The following TM2D1 variants were observed in gnomAD, a reference collection of about 807,000 sequenced individuals.
The protein encoded by TM2D1 is TM2 domain containing 1.
A neutral mutation model predicts 28.4 loss-of-function variants in TM2D1; 15 were observed. That is an observed-to-expected ratio of 0.53 (90% confidence interval 0.35 to 0.81). The LOEUF (loss-of-function observed/expected upper bound fraction) is 0.81. TM2D1 is among the 40% of genes least tolerant of loss of function. The probability of loss-of-function intolerance (pLI) is 0.01; values close to 1 mark genes in which losing one functional copy is unlikely to be tolerated. For synonymous variants in TM2D1, 93 were observed against 96.2 expected (o/e 0.97, Z 0.20); for missense variants, 236 against 254.9 (o/e 0.93, Z 0.50).
At chr1:61,689,364 T>TTAG (rs58790679) in intron 5 of TM2D1, among the ~76,000 whole-genome samples, 11,823 of 152,088 alleles carry the variant, frequency 0.078, 741 homozygotes, top group East Asian at 0.29. Context: ...ATATTTTATT[T>TTAG]TATTATTATT....
chr1:61,709,283 A>C (rs1191045510), intron 3 of TM2D1, 46 bp downstream of exon 3: 2 of 1,191,182 alleles, frequency 1.7e-6, no homozygotes, highest in Admixed American at 3.6e-5. Flanking sequence ...TGAAGATATA[A>C]TATAGGCAAG....
intron 3 of TM2D1, among the ~76,000 whole-genome samples, chr1:61,706,526 A>C (rs896419634): frequency 6.7e-6 from 1 of 148,986 alleles, no homozygotes; most frequent in African/African-American, 2.5e-5. Context: ...TTGTTAACTT[A>C]GACCAGGCGC....
At chr1:61,706,368 T>C (rs1644440580) in intron 3 of TM2D1, among the ~76,000 whole-genome samples, 1 of 152,060 alleles carries the variant, frequency 6.6e-6, no homozygotes, top group Admixed American at 6.6e-5. Flanking sequence ...CAGCTAACTT[T>C]TGTATTTTTT....
intron 5 of TM2D1, among the ~76,000 whole-genome samples, chr1:61,691,466 G>A (rs1448069360): frequency 1.3e-4 from 17 of 129,414 alleles, no homozygotes; most frequent in African/African-American, 5.1e-4. Context: ...TTGCACTCCA[G>A]CCTGGACGAC....
chr1:61,692,849 C>G (rs556792170), intron 5 of TM2D1, among the ~76,000 whole-genome samples: 2 of 151,336 alleles, frequency 1.3e-5, no homozygotes, highest in Non-Finnish European at 2.9e-5. Context: ...GTGAAAATGT[C>G]TTATTTAGGG....
chr1:61,701,023 T>C lies in TM2D1; in HGVS notation c.350A>G (p.Asn117Ser). ...GACTGCCACTTTGTAGGAATAGCCA[T>C]TTCTGCAAAAAATTAAAATCTGAGT... ...FFKPISCRNV[N>S]GYSYKVAVAL... Residue 117 changes from asparagine (N) to serine (S), a missense_variant and splice_region_variant, in exon 4 of 7, where the codon AAT becomes AGT. Physicochemically the swap from Asn to Ser is conservative, Grantham distance 46. Around this residue, in one of 3 missense-constraint regions of TM2D1, gnomAD observed 167 missense variants for 162.7 expected, o/e 1.03. Coordinates refer to ENST00000606498, the MANE Select transcript of TM2D1 (RefSeq NM_032027.3). 6.2e-7 allele frequency: 1 copy of C among 1,607,718 alleles called. No individual in the cohort carries two copies. Among genetic ancestry groups the C allele is most frequent in the Non-Finnish European group, 8.5e-7 (1 of 1,177,682 alleles).
chr1:61,696,970 A>G (rs1371778863), intron 4 of TM2D1, among the ~76,000 whole-genome samples: 1 of 151,846 alleles, frequency 6.6e-6, no homozygotes, highest in African/African-American at 2.4e-5. Context: ...GTTTTTGATT[A>G]TAATAACTGT....
chr1:61,723,570 A>G, intron 2 of TM2D1, 143 bp downstream of exon 2: 1 of 443,704 alleles, frequency 2.3e-6, no homozygotes, highest in Middle Eastern at 6.3e-4. Context: ...GTAGTTCTCC[A>G]GTTTTAAGTT....
At chr1:61,701,556 C>CGTGTGTGTGTGTGTGT (rs60257971) in intron 3 of TM2D1, among the ~76,000 whole-genome samples, 144 of 145,950 alleles carry the variant, frequency 9.9e-4, no homozygotes, top group African/African-American at 3.3e-3. Context: ...AATTCTCTTT[C>CGTGTGTGTGTGTGTGT]GTGTGTGTGT....
At chr1:61,700,892 T>C (rs754875518) in intron 4 of TM2D1, 42 bp downstream of exon 4, 23 of 1,443,418 alleles carry the variant, frequency 1.6e-5, no homozygotes, top group Non-Finnish European at 2.1e-5. Context: ...TGAACTAAAA[T>C]ATAGGTTTCA....
At chr1:61,718,084 G>A (rs778088326) in intron 2 of TM2D1, among the ~76,000 whole-genome samples, 20 of 152,116 alleles carry the variant, frequency 1.3e-4, no homozygotes, top group Non-Finnish European at 2.5e-4. Context: ...TTCGGAGGCC[G>A]AGGCAAGTGG....
chr1:61,718,200 G>C (rs1644536690), intron 2 of TM2D1, among the ~76,000 whole-genome samples: 4 of 151,936 alleles, frequency 2.6e-5, no homozygotes, highest in Non-Finnish European at 4.4e-5. Context: ...TAAGGTGGGA[G>C]GATCACTTGA....
chr1:61,696,735 G>A (rs1413499635), intron 4 of TM2D1, among the ~76,000 whole-genome samples: 2 of 151,988 alleles, frequency 1.3e-5, no homozygotes, highest in African/African-American at 4.8e-5. Flanking sequence ...TAACCTGCCT[G>A]TCTGAAGCAG....
At chr1:61,687,016 C>G in intron 5 of TM2D1, 1 of 979,112 alleles carries the variant, frequency 1.0e-6, no homozygotes, top group African/African-American at 1.7e-5. Flanking sequence ...GAGTATGGAA[C>G]CCAAAATTAT....
At chr1:61,714,291 CCAGCA>C (rs1223482293) in intron 2 of TM2D1, among the ~76,000 whole-genome samples, 4 of 151,308 alleles carry the variant, frequency 2.6e-5, no homozygotes, top group African/African-American at 9.7e-5. Flanking sequence ...ACCTGTAATC[CCAGCA>C]CTTTGGGAGG....
At chr1:61,698,417 GGCATGGTGGC>G (rs927296628) in intron 4 of TM2D1, 2 of 152,256 alleles carry the variant, frequency 1.3e-5, no homozygotes, top group African/African-American at 4.8e-5. Context: ...AAATTAGCTG[GGCATGGTGGC>G]GCATGCCTGT....
rs191261659 is a variant in TM2D1 at position 61,684,649 on chromosome 1, T to C, written c.514-1103A>G. Among the ~76,000 whole-genome samples, 488 of 143,260 alleles carry C rather than the reference T, an allele frequency of 3.4e-3. 5 individuals are homozygous for C. Among genetic ancestry groups the C allele is most frequent in the African/African-American group, 0.012 (474 of 38,214 alleles). 94.0% of individuals were successfully genotyped at this position (143,260 alleles called of 152,430 possible). ...GTTTAAAAATAATTTGCAACATGTT[T>C]ATGCTGTTTTGATCAACTGTGTATC... On this transcript the variant is annotated intron_variant, in intron 5 of 6. Transcript: ENST00000606498.
chr1:61,703,944 C>T (rs1479167293), intron 3 of TM2D1, among the ~76,000 whole-genome samples: 4 of 151,360 alleles, frequency 2.6e-5, no homozygotes, highest in African/African-American at 9.7e-5. Flanking sequence ...TTTAGTAAGA[C>T]GGGGTTTCAC....
chr1:61,702,913 C>G (rs1400365003), intron 3 of TM2D1, among the ~76,000 whole-genome samples: 1 of 151,320 alleles, frequency 6.6e-6, no homozygotes, highest in Non-Finnish European at 1.5e-5. Context: ...TGAGACCAGC[C>G]TGGCCAACAC....
Sources: gnomAD v4.1 joint callset for allele counts (sites outside exome capture counted in the v4.1 genomes callset) on GRCh38, gnomAD v4.1.1 for gene constraint, gnomAD v4.1.1 regional missense constraint, MANE v1.5 for transcripts, NCBI Gene and HGNC (gene_info 2026-07-23, HGNC 2026-07-21) for gene names.